Variants in VPS41 observed in about 807,000 individuals in gnomAD.
VPS41 encodes vacuolar protein sorting-associated protein 41 homolog.
Under a neutral mutation model 130.9 loss-of-function variants are expected in VPS41, and 85 were observed. The observed-to-expected ratio is 0.65, with a 90% CI of 0.55 to 0.78. The LOEUF (loss-of-function observed/expected upper bound fraction) is 0.78, where lower values mean the gene tolerates loss of function less well. Among genes scored for constraint, VPS41 ranks in the 30% least tolerant of loss-of-function variants. The probability of loss-of-function intolerance (pLI) is 0.00; values close to 1 mark genes in which losing one functional copy is unlikely to be tolerated. For missense variants in VPS41, 874 were observed against 1,018.7 expected, an observed-to-expected ratio of 0.86 and a Z score of 1.93; for synonymous variants, 335 against 332.9, an observed-to-expected ratio of 1.01 and a Z score of -0.07.
At chr7:38,899,912 G>A (rs1787106204) in intron 1 of VPS41, among the ~76,000 whole-genome samples, 2 of 152,010 alleles carry the variant, frequency 1.3e-5, no homozygotes, top group Admixed American at 1.3e-4. Flanking sequence ...GTATGCACAT[G>A]AGGTAAATGG....
intron 25 of VPS41, among the ~76,000 whole-genome samples, chr7:38,730,073 T>A (rs1278080715): frequency 6.6e-6 from 1 of 152,174 alleles, no homozygotes; most frequent in Non-Finnish European, 1.5e-5. Context: ...CAGTTACACA[T>A]GTCACATCAT....
intron 1 of VPS41, among the ~76,000 whole-genome samples, chr7:38,904,038 T>C (rs2116459735): frequency 6.6e-6 from 1 of 152,306 alleles, no homozygotes; most frequent in East Asian, 1.9e-4. Flanking sequence ...ACACTCCATC[T>C]GCACAGACTC....
chr7:38,735,259 T>G (rs372836554), intron 25 of VPS41, among the ~76,000 whole-genome samples: 3 of 152,018 alleles, frequency 2.0e-5, no homozygotes. Flanking sequence ...TAGAAGAAAA[T>G]TAGGAGCTTA....
chr7:38,803,592 A>G (rs1784777529), intron 7 of VPS41, among the ~76,000 whole-genome samples: 1 of 152,248 alleles, frequency 6.6e-6, no homozygotes, highest in African/African-American at 2.4e-5. Context: ...AAACTGTCTC[A>G]ATAAAAATAA....
chr7:38,762,865 G>A (rs1783949926), intron 17 of VPS41, among the ~76,000 whole-genome samples: 1 of 152,094 alleles, frequency 6.6e-6, no homozygotes, highest in Non-Finnish European at 1.5e-5. Context: ...CAATCTCTAA[G>A]GTTAAGTCAT....
At chr7:38,745,403 C>T (rs913405122) in intron 23 of VPS41, among the ~76,000 whole-genome samples, 156 bp downstream of exon 23, 1 of 152,130 alleles carries the variant, frequency 6.6e-6, no homozygotes, top group Non-Finnish European at 1.5e-5. Flanking sequence ...CTTTACTGTG[C>T]TGTGAAGTCT....
chr7:38,753,552 TTA>T (rs1467259126), intron 21 of VPS41, among the ~76,000 whole-genome samples: 3 of 151,908 alleles, frequency 2.0e-5, no homozygotes, highest in Non-Finnish European at 4.4e-5. Context: ...TGAGTCAAAT[TTA>T]TATATATAGA....
chr7:38,886,539 C>T (rs1786736691), intron 2 of VPS41, among the ~76,000 whole-genome samples: 2 of 152,230 alleles, frequency 1.3e-5, no homozygotes, highest in Non-Finnish European at 2.9e-5. Context: ...GCAGAGCCCA[C>T]CGCAGTTCAG....
intron 2 of VPS41, among the ~76,000 whole-genome samples, chr7:38,891,351 C>G (rs1035091728): frequency 6.6e-6 from 1 of 152,048 alleles, no homozygotes; most frequent in Non-Finnish European, 1.5e-5. Context: ...AATTAAAAAG[C>G]ACATGTCCCA....
intron 6 of VPS41, among the ~76,000 whole-genome samples, chr7:38,818,249 CAA>C (rs11421525): frequency 1.5e-5 from 2 of 130,336 alleles, no homozygotes; most frequent in African/African-American, 2.9e-5. Context: ...GAAAACAAAA[CAA>C]AAAAAAAAAA....
chr7:38,828,177 A>G (rs1378428174), intron 5 of VPS41, among the ~76,000 whole-genome samples: 1 of 152,174 alleles, frequency 6.6e-6, no homozygotes, highest in Non-Finnish European at 1.5e-5. Context: ...AAATCCCAAA[A>G]TAAACCTTGT....
At chr7:38,729,996 C>T (rs1446153032) in intron 25 of VPS41, among the ~76,000 whole-genome samples, 6 of 152,132 alleles carry the variant, frequency 3.9e-5, no homozygotes, top group Non-Finnish European at 7.3e-5. Context: ...AGGACAGAGA[C>T]GCTCTGGGGC....
chr7:38,785,319 T>C (rs1784419973), intron 10 of VPS41, among the ~76,000 whole-genome samples: 1 of 152,230 alleles, frequency 6.6e-6, no homozygotes. Flanking sequence ...CAGCAAATTA[T>C]GGAGAAGATC....
chr7:38,895,082 G>C (rs1786952368), intron 2 of VPS41, among the ~76,000 whole-genome samples: 1 of 152,224 alleles, frequency 6.6e-6, no homozygotes, highest in Non-Finnish European at 1.5e-5. Context: ...AACACTTTGG[G>C]AGGCTGAGGC....
rs1795533921 is a variant in VPS41, at chr7:38,726,070, T to C, written c.*176A>G. On this transcript the variant is annotated 3_prime_UTR_variant, in exon 29 of 29. Coordinates refer to ENST00000310301, the MANE Select transcript of VPS41 (RefSeq NM_014396.4). Reference sequence around the variant, plus strand: ...TCAAGGCATGAAGAGAGCCCCAAATTCTCTGTGAACTGCAAAGAGAAACCA... The same window carrying C: ...TCAAGGCATGAAGAGAGCCCCAAATCCTCTGTGAACTGCAAAGAGAAACCA... 1.8e-6 allele frequency: 1 copy of C among 567,372 alleles called. No individual in the cohort carries two copies. The highest frequency in any genetic ancestry group is 1.9e-5 in the African/African-American group (1 of 53,350). The allele number at this position is 567,372 out of a possible 1,614,324, so 35.1% of individuals were successfully genotyped here.
intron 4 of VPS41, among the ~76,000 whole-genome samples, chr7:38,856,729 TAGTAGTAATATAGG>T (rs1376510281): frequency 2.3e-4 from 35 of 152,008 alleles, no homozygotes; most frequent in Admixed American, 7.9e-4. Context: ...ACAAGTGAAA[TAGTAGTAATATAGG>T]AGTTTACAGG....
intron 10 of VPS41, among the ~76,000 whole-genome samples, chr7:38,782,570 A>C (rs1784370825): frequency 6.6e-6 from 1 of 152,158 alleles, no homozygotes; most frequent in South Asian, 2.1e-4. Context: ...CTGCCACTAC[A>C]TTCCCAGAAT....
rs79885981 is a variant in VPS41 at position 38,838,380 on chromosome 7, A to T, written c.247-8052T>A. Among the ~76,000 whole-genome samples, 1,095 of 152,338 alleles carry T rather than the reference A, an allele frequency of 7.2e-3. 9 individuals are homozygous for T. Among genetic ancestry groups the T allele is most frequent in the Middle Eastern group, 0.024 (7 of 294 alleles). Reference sequence around the variant, plus strand: ...AACAGCAATGAGCAGAAACCATCACATCTAAACATAAAATTTGGGGTGTGT... The same window carrying T: ...AACAGCAATGAGCAGAAACCATCACTTCTAAACATAAAATTTGGGGTGTGT... On this transcript the variant is annotated intron_variant, in intron 4 of 28. Coordinates refer to ENST00000310301, the MANE Select transcript of VPS41 (RefSeq NM_014396.4).
chr7:38,743,601 A>G, intron 23 of VPS41, 59 bp from the exon 24 acceptor site: 1 of 1,571,492 alleles, frequency 6.4e-7, no homozygotes, highest in Middle Eastern at 1.7e-4. Flanking sequence ...AATTTTTTTA[A>G]AGAAATTGCA....
Sources: allele counts gnomAD v4.1 joint callset (sites outside exome capture counted in the v4.1 genomes callset), GRCh38; gene constraint gnomAD v4.1.1; transcripts MANE v1.5; gene names NCBI Gene and HGNC (gene_info 2026-07-23, HGNC 2026-07-21).